Variants in BTBD9 observed in about 807,000 individuals in gnomAD.
BTBD9 encodes the protein BTB domain containing 9, also known as BTB/POZ domain-containing protein 9.
BTBD9 carries 49 observed loss-of-function variants against 64.3 expected under a neutral mutation model. The ratio of observed to expected loss-of-function variants is 0.76; its 90% confidence interval spans 0.61 to 0.97. BTBD9 has a LOEUF of 0.97. Ranked by LOEUF, BTBD9 falls within the 50% of genes least tolerant of loss-of-function variation. The pLI is 0.00. For synonymous variants in BTBD9, 260 were observed against 274.7 expected (o/e 0.95, Z 0.53); for missense variants, 598 against 762.1 (o/e 0.78, Z 2.53).
chr6:38,418,784 T>G (rs577227019), intron 6 of BTBD9, among the ~76,000 whole-genome samples: 1 of 152,152 alleles, frequency 6.6e-6, no homozygotes, highest in Non-Finnish European at 1.5e-5. Flanking sequence ...TTTACTCCCT[T>G]GGGGCAATAT....
chr6:38,301,761 T>TGA (rs1762412465), intron 7 of BTBD9, among the ~76,000 whole-genome samples: 1 of 152,222 alleles, frequency 6.6e-6, no homozygotes, highest in African/African-American at 2.4e-5. Context: ...TTCTTCTATA[T>TGA]TAGTCTTGCT....
chr6:38,208,194 G>A (rs1472169014), intron 9 of BTBD9, among the ~76,000 whole-genome samples: 1 of 152,148 alleles, frequency 6.6e-6, no homozygotes, highest in East Asian at 1.9e-4. Context: ...CAGTGACGGC[G>A]GTGCCCTCTC....
intron 7 of BTBD9, among the ~76,000 whole-genome samples, chr6:38,304,470 C>T (rs375518293): frequency 4.6e-5 from 7 of 151,586 alleles, no homozygotes; most frequent in African/African-American, 1.2e-4. Flanking sequence ...CGCTTGAATC[C>T]GGGAGGCAGA....
intron 6 of BTBD9, among the ~76,000 whole-genome samples, chr6:38,532,893 G>A (rs1193895267): frequency 6.6e-6 from 1 of 151,638 alleles, no homozygotes; most frequent in Non-Finnish European, 1.5e-5. Context: ...AAGTAAGGGG[G>A]ACTTTGTCTT....
intron 6 of BTBD9, among the ~76,000 whole-genome samples, chr6:38,367,775 G>T (rs991745674): frequency 7.6e-5 from 9 of 118,380 alleles, no homozygotes; most frequent in African/African-American, 3.0e-4. Context: ...ATATCATCTT[G>T]CAAGAGTGTT....
intron 6 of BTBD9, chr6:38,402,975 A>T (rs1582371801): frequency 1.9e-6 from 1 of 514,286 alleles, no homozygotes; most frequent in Non-Finnish European, 3.6e-6. Flanking sequence ...CAGCTGGTTA[A>T]GGTGGGAGAA....
chr6:38,467,043 CA>C (rs1405296863), intron 6 of BTBD9, among the ~76,000 whole-genome samples: 1 of 152,098 alleles, frequency 6.6e-6, no homozygotes, highest in African/African-American at 2.4e-5. Flanking sequence ...GTCAATAAAT[CA>C]GGGAACATTT....
chr6:38,491,686 C>T (rs1771708482), intron 6 of BTBD9, among the ~76,000 whole-genome samples: 1 of 151,870 alleles, frequency 6.6e-6, no homozygotes, highest in Non-Finnish European at 1.5e-5. Flanking sequence ...CCAATAAATA[C>T]ATTCTTTAAA....
At chr6:38,513,694 G>A (rs1468371133) in intron 6 of BTBD9, among the ~76,000 whole-genome samples, 3 of 152,148 alleles carry the variant, frequency 2.0e-5, no homozygotes, top group East Asian at 1.9e-4. Context: ...ATTATTAATC[G>A]TAAAACTACC....
At chr6:38,399,834 C>G (rs899857598) in intron 6 of BTBD9, among the ~76,000 whole-genome samples, 29 of 152,144 alleles carry the variant, frequency 1.9e-4, no homozygotes, top group African/African-American at 7.0e-4. Context: ...TCACCACAAC[C>G]TCCGCCTCCC....
At chr6:38,416,462 G>C (rs1417790542) in intron 6 of BTBD9, among the ~76,000 whole-genome samples, 1 of 149,726 alleles carries the variant, frequency 6.7e-6, no homozygotes, top group Non-Finnish European at 1.5e-5. Flanking sequence ...AGCCTCCCGA[G>C]TATCTGGGAC....
At chr6:38,260,726 A>G (rs1468197782) in intron 8 of BTBD9, among the ~76,000 whole-genome samples, 1 of 152,176 alleles carries the variant, frequency 6.6e-6, no homozygotes, top group Non-Finnish European at 1.5e-5. Flanking sequence ...AATTCCAGTA[A>G]CTTTTAAAAC....
chr6:38,323,942 T>C (rs1440619727), intron 7 of BTBD9, among the ~76,000 whole-genome samples: 1 of 151,986 alleles, frequency 6.6e-6, no homozygotes, highest in Non-Finnish European at 1.5e-5. Flanking sequence ...TACACTTTTA[T>C]TTTTCTTAAA....
intron 6 of BTBD9, among the ~76,000 whole-genome samples, chr6:38,408,947 G>T (rs1406425826): frequency 3.3e-5 from 5 of 152,130 alleles, no homozygotes; most frequent in Non-Finnish European, 7.4e-5. Context: ...TATAGAAAAA[G>T]ACCAAAGAGA....
At position 38,465,707 on chromosome 6, in the gene BTBD9, TTATATATATA is replaced by T. The variant is rs1157324453; in HGVS notation, c.1154+111883_1154+111892del. On this transcript the variant is annotated intron_variant, in intron 6 of 10. Coordinates refer to ENST00000481247, the MANE Select transcript of BTBD9 (RefSeq NM_001099272.2). ...ATCTCTAAATAAATAAATAAATAAATTATATATATATATATATATATATATATATATATAT... is the reference window on the plus strand; with the variant it reads ...ATCTCTAAATAAATAAATAAATAAATTATATATATATATATATATATATAT... 5.0e-3 allele frequency among the ~76,000 whole-genome samples: 236 copies of T among 46,756 alleles called. 4 individuals carry two copies. Among genetic ancestry groups the T allele is most frequent in the African/African-American group, 4.5e-3 (48 of 10,570 alleles). The allele number at this position is 46,756 out of a possible 152,430, so 30.7% of individuals were successfully genotyped here.
At chr6:38,521,635 A>G (rs1470696854) in intron 6 of BTBD9, among the ~76,000 whole-genome samples, 1 of 151,386 alleles carries the variant, frequency 6.6e-6, no homozygotes, top group African/African-American at 2.4e-5. Flanking sequence ...ACACAATTTA[A>G]CTCCTCAGGC....
intron 6 of BTBD9, among the ~76,000 whole-genome samples, chr6:38,533,602 C>T (rs763817358): frequency 7.2e-5 from 11 of 152,180 alleles, no homozygotes; most frequent in Non-Finnish European, 1.5e-4. Context: ...TTCTTTTCCT[C>T]AGCATATGGA....
At chr6:38,613,545 C>G (rs988966375) in intron 1 of BTBD9, among the ~76,000 whole-genome samples, 1 of 151,776 alleles carries the variant, frequency 6.6e-6, no homozygotes, top group Non-Finnish European at 1.5e-5. Context: ...AGGTGGAGGC[C>G]GCAGTGAGCC....
chr6:38,563,982 C>A (rs983430853), intron 6 of BTBD9, among the ~76,000 whole-genome samples: 5 of 151,732 alleles, frequency 3.3e-5, no homozygotes, highest in East Asian at 1.9e-4. Context: ...CGGGGTTTCA[C>A]CGTGTTAGCC....
Sources: gnomAD v4.1 joint callset for allele counts (sites outside exome capture counted in the v4.1 genomes callset) on GRCh38, gnomAD v4.1.1 for gene constraint, MANE v1.5 for transcripts, NCBI Gene and HGNC (gene_info 2026-07-23, HGNC 2026-07-21) for gene names.